NTAQ1: variants seen among roughly 807,000 people sequenced by gnomAD.
The protein encoded by NTAQ1 is protein N-terminal glutamine amidohydrolase.
NTAQ1 carries 21 observed loss-of-function variants against 28.2 expected under a neutral mutation model. The observed-to-expected ratio is 0.74, with a 90% confidence interval of 0.53 to 1.07. The LOEUF (loss-of-function observed/expected upper bound fraction) is 1.07. Ranked by LOEUF, NTAQ1 falls within the 50% of genes least tolerant of loss-of-function variation. The pLI, the probability that NTAQ1 is intolerant of heterozygous loss-of-function variation, is 0.00. For synonymous variants in NTAQ1, 105 were observed against 90.0 expected (o/e 1.17, Z -0.94); for missense variants, 264 against 256.6 (o/e 1.03, Z -0.20).
At chr8:123,445,110 A>G (rs894111349), downstream of NTAQ1, among the ~76,000 whole-genome samples, 6 of 152,184 alleles carry the variant, frequency 3.9e-5, no homozygotes, top group East Asian at 1.2e-3. Flanking sequence ...AATGTATAAA[A>G]GAGTATTTGG....
chr8:123,469,087 G>T, exon 7 of NTAQ1, among the ~76,000 whole-genome samples: 1 of 152,058 alleles, frequency 6.6e-6, no homozygotes, highest in East Asian at 1.9e-4. Flanking sequence ...TTGTTGTTGA[G>T]TTGAGGGAAT....
At chr8:123,421,609 A>G (rs1813697292) in intron 1 of NTAQ1, among the ~76,000 whole-genome samples, 2 of 148,458 alleles carry the variant, frequency 1.3e-5, no homozygotes, top group African/African-American at 5.0e-5. Flanking sequence ...CCCAGGTTCA[A>G]GTGATGCTCC....
chr8:123,447,699 T>C (rs1303289480), intron 6 of NTAQ1, among the ~76,000 whole-genome samples: 1 of 152,240 alleles, frequency 6.6e-6, no homozygotes, highest in Non-Finnish European at 1.5e-5. Context: ...CCATCCTGCT[T>C]TCTAACTGCA....
chr8:123,448,400 G>A (rs193157073), downstream of NTAQ1, among the ~76,000 whole-genome samples: 80 of 152,298 alleles, frequency 5.3e-4, no homozygotes, highest in Admixed American at 9.8e-4. Context: ...ATCACTTGAG[G>A]TCAGGAGTTC....
chr8:123,460,587 C>G (rs1815793728), intron 6 of NTAQ1, among the ~76,000 whole-genome samples: 1 of 152,168 alleles, frequency 6.6e-6, no homozygotes, highest in South Asian at 2.1e-4. Flanking sequence ...CAGCCTTGAA[C>G]CACAAGATGT....
At chr8:123,461,464 C>A (rs1285901400) in intron 6 of NTAQ1, among the ~76,000 whole-genome samples, 2 of 152,216 alleles carry the variant, frequency 1.3e-5, no homozygotes, top group South Asian at 2.1e-4. Flanking sequence ...AATATCTACA[C>A]CCCGAGAGGT....
chr8:123,471,698 A>G (rs55896007), downstream of NTAQ1, among the ~76,000 whole-genome samples: 27,981 of 151,928 alleles, frequency 0.18, 2,966 homozygotes, highest in Non-Finnish European at 0.25. Flanking sequence ...TCAAGGAGAA[A>G]CTCTCTCTTA....
At chr8:123,452,780 G>T (rs1482875062), downstream of NTAQ1, among the ~76,000 whole-genome samples, 1 of 151,874 alleles carries the variant, frequency 6.6e-6, no homozygotes, top group East Asian at 1.9e-4. Context: ...AGTGGCGCAT[G>T]CCTGTAATCC....
chr8:123,449,955 A>G (rs1273707282), downstream of NTAQ1, among the ~76,000 whole-genome samples: 15 of 26,350 alleles, frequency 5.7e-4, 4 homozygotes, highest in African/African-American at 1.2e-3. Flanking sequence ...GTGTGCATAT[A>G]TATATATATA....
chr8:123,436,669 T>C (rs201960682), intron 4 of NTAQ1, 68 bp downstream of exon 4: 1 of 608,080 alleles, frequency 1.6e-6, no homozygotes, highest in Non-Finnish European at 2.1e-6. Flanking sequence ...CAGAGGTTCT[T>C]TTTTTTTTTG....
intron 6 of NTAQ1, among the ~76,000 whole-genome samples, chr8:123,462,796 C>A (rs184785984): frequency 1.3e-5 from 2 of 152,314 alleles, no homozygotes; most frequent in Admixed American, 1.3e-4. Flanking sequence ...CAAGCATGCC[C>A]CCAATTCACC....
At chr8:123,419,768 CTTTCT>C (rs1813562457) in intron 1 of NTAQ1, among the ~76,000 whole-genome samples, 1 of 90,676 alleles carries the variant, frequency 1.1e-5, no homozygotes, top group East Asian at 6.1e-4. Context: ...TCCTTCCTTC[CTTTCT>C]TCCCTCCCTC....
At position 123,423,381 on chromosome 8, in the gene NTAQ1, C is replaced by T. The variant is rs10092135; in HGVS notation, c.84-4543C>T. On this transcript the variant is annotated intron_variant, in intron 1 of 5. Coordinates refer to ENST00000287387, the MANE Select transcript of NTAQ1 (RefSeq NM_018024.3). The stretch of plus-strand genomic sequence containing the variant: ...TTTCCTTCCTTTCCCTCCTTTTCCT[C>T]CCTTTCCCTCCTTTTCCTTCCTTTC... Among the ~76,000 whole-genome samples the T allele has an allele frequency of 1.5e-3, 205 of 140,472 alleles. 3 individuals are homozygous for T. In the East Asian group the frequency reaches 0.02, roughly 14 times the overall value. 92.2% of individuals were successfully genotyped at this position (140,472 alleles called of 152,430 possible).
chr8:123,440,251 A>T (rs1255998426), intron 5 of NTAQ1, among the ~76,000 whole-genome samples: 1 of 135,972 alleles, frequency 7.4e-6, no homozygotes, highest in Non-Finnish European at 1.5e-5. Context: ...TGCCTCCTGG[A>T]TTCAAGCGAT....
At chr8:123,462,898 A>G (rs1815870498) in intron 6 of NTAQ1, among the ~76,000 whole-genome samples, 1 of 152,226 alleles carries the variant, frequency 6.6e-6, no homozygotes, top group Non-Finnish European at 1.5e-5. Context: ...GATAAATTAA[A>G]AAGTCTGACA....
chr8:123,459,800 C>CTTTTTTT (rs35644112), intron 6 of NTAQ1, among the ~76,000 whole-genome samples: 1 of 119,608 alleles, frequency 8.4e-6, no homozygotes, highest in African/African-American at 3.2e-5. Context: ...ATACATCATT[C>CTTTTTTT]TTTTTTTTTT....
intron 3 of NTAQ1, among the ~76,000 whole-genome samples, chr8:123,433,321 C>T (rs1814508590): frequency 6.6e-6 from 1 of 152,190 alleles, no homozygotes; most frequent in Non-Finnish European, 1.5e-5. Context: ...CAAGTTGTAC[C>T]TTCTTTCTGG....
downstream of NTAQ1, among the ~76,000 whole-genome samples, chr8:123,470,885 A>G (rs1431115370): frequency 6.7e-6 from 1 of 149,284 alleles, no homozygotes; most frequent in Non-Finnish European, 1.5e-5. Flanking sequence ...TCATATCGTC[A>G]TCCTCTCCCT....
chr8:123,417,683 A>G (rs3779989), intron 1 of NTAQ1, among the ~76,000 whole-genome samples: 104,279 of 151,888 alleles, frequency 0.69, 36,140 homozygotes, highest in East Asian at 0.93. Context: ...CCTCAGTGCT[A>G]TCTAAACCTA....
Sources: allele counts gnomAD v4.1 joint callset (sites outside exome capture counted in the v4.1 genomes callset), GRCh38; gene constraint gnomAD v4.1.1; transcripts MANE v1.5; gene names NCBI Gene and HGNC (gene_info 2026-07-23, HGNC 2026-07-21).